PIEZO2: variants seen among roughly 807,000 people sequenced by gnomAD.
PIEZO2 encodes the protein piezo-type mechanosensitive ion channel component 2.
Under a neutral mutation model 337.3 loss-of-function variants are expected in PIEZO2, and 172 were observed. That is an observed-to-expected ratio of 0.51 (90% CI 0.45 to 0.58). The LOEUF (loss-of-function observed/expected upper bound fraction) is 0.58, where lower values mean the gene tolerates loss of function less well. Ranked by LOEUF, PIEZO2 falls within the 20% of genes least tolerant of loss-of-function variation. The probability of loss-of-function intolerance (pLI) is 0.00; values close to 1 mark genes in which losing one functional copy is unlikely to be tolerated. For synonymous variants in PIEZO2, 1,251 were observed against 1,228.5 expected, an observed-to-expected ratio of 1.02 and a Z score of -0.38; for missense variants, 3,028 against 3,391.3, an observed-to-expected ratio of 0.89 and a Z score of 2.66.
Position 10,783,534 on chromosome 18 carries a change from T to C in PIEZO2, c.2492+1250A>G, listed in dbSNP as rs2039106198. Among the ~76,000 whole-genome samples, 4 of 152,236 alleles carry C rather than the reference T, an allele frequency of 2.6e-5. No individual in the cohort carries two copies. Among genetic ancestry groups the C allele is most frequent in the Admixed American group, 1.3e-4 (2 of 15,282 alleles). On this transcript the variant is annotated intron_variant, in intron 17 of 55. Coordinates refer to ENST00000674853, the MANE Select transcript of PIEZO2 (RefSeq NM_001378183.1). The surrounding 1 kb of genome is among the most constrained non-coding windows in gnomAD (Gnocchi z 4.3). ...CTAATAACTACTTTATTTTTCCTAA[T>C]GCTTGATCATCACTGAAGGTAGCAG...
chr18:11,067,982 C>T (rs961538661), intron 1 of PIEZO2, among the ~76,000 whole-genome samples: 13 of 152,318 alleles, frequency 8.5e-5, no homozygotes, highest in African/African-American at 3.1e-4. Context: ...AGTGCAGTGG[C>T]ACGATCTCAG....
chr18:10,883,259 T>G (rs1263081434), intron 4 of PIEZO2, among the ~76,000 whole-genome samples: 2 of 152,108 alleles, frequency 1.3e-5, no homozygotes, highest in Non-Finnish European at 2.9e-5. Flanking sequence ...ACACACAAAT[T>G]TCCTTTCTCT....
rs2143384248 is a variant in PIEZO2 at position 10,672,328 on chromosome 18, C to A, written c.8345+362G>T. On this transcript the variant is annotated intron_variant, in intron 55 of 55. Transcript: ENST00000674853. The surrounding 1 kb of genome is among the most constrained non-coding windows in gnomAD (Gnocchi z 4.7). ...AACATGATGCGATGTTTCAGAAGTT[C>A]AAAAGCAGGATGTCTAATAGATCCA... Among the ~76,000 whole-genome samples the A allele has an allele frequency of 6.6e-6, 1 of 152,140 alleles. No individual in the cohort carries two copies.
At chr18:10,900,178 T>TAC (rs56708718) in intron 4 of PIEZO2, among the ~76,000 whole-genome samples, 4,822 of 148,454 alleles carry the variant, frequency 0.032, 170 homozygotes, top group African/African-American at 0.09. Context: ...TTACTTTTGT[T>TAC]ACACACACAC....
chr18:10,931,266 C>A (rs2145191707), intron 3 of PIEZO2, among the ~76,000 whole-genome samples: 1 of 152,322 alleles, frequency 6.6e-6, no homozygotes, highest in African/African-American at 2.4e-5. Context: ...GTGGCGCCAT[C>A]TCTGCCCACT....
intron 20 of PIEZO2, 126 bp from the exon 21 acceptor site, chr18:10,770,434 A>T (rs1363295820): frequency 7.6e-6 from 7 of 920,948 alleles, no homozygotes; most frequent in Non-Finnish European, 1.1e-5. Context: ...AATTCTAAGA[A>T]AACCAAAATC....
intron 16 of PIEZO2, among the ~76,000 whole-genome samples, chr18:10,785,636 G>T (rs1004803045): frequency 6.6e-6 from 1 of 152,028 alleles, no homozygotes; most frequent in Non-Finnish European, 1.5e-5. Flanking sequence ...GAAGTCAGAC[G>T]CCTCCTGTGT....
chr18:10,725,472 G>A, intron 36 of PIEZO2: 1 of 1,540,410 alleles, frequency 6.5e-7, no homozygotes, highest in Non-Finnish European at 8.9e-7. Context: ...TCAGGGTGTG[G>A]GTATCCGGGT....
In PIEZO2 at chr18:11,069,549, AAC is replaced by A. The variant is rs1365703643; in HGVS notation, c.65-3329_65-3328del. On this transcript the variant is annotated intron_variant, in intron 1 of 55. Coordinates refer to ENST00000674853, the MANE Select transcript of PIEZO2 (RefSeq NM_001378183.1). This position sits in a 1 kb window ranked among gnomAD's most constrained non-coding sequence, Gnocchi z 4.9. ...CTTCAACACAATAAAGGCCATATGT[AAC>A]ACACACACAGCTAATATCACACTCA... 2.0e-5 allele frequency among the ~76,000 whole-genome samples: 3 copies of A among 152,206 alleles called. No individual in the cohort carries two copies. In the East Asian group the frequency reaches 5.8e-4, roughly 29 times the overall value.
chr18:10,715,056 G>A, intron 38 of PIEZO2, 126 bp from the exon 39 acceptor site: 1 of 909,678 alleles, frequency 1.1e-6, no homozygotes, highest in Non-Finnish European at 1.6e-6. Flanking sequence ...GACCATGCTA[G>A]GCAAGTGGGG....
At chr18:11,145,206 C>T (rs1055292297) in intron 1 of PIEZO2, among the ~76,000 whole-genome samples, 2 of 152,164 alleles carry the variant, frequency 1.3e-5, no homozygotes, top group African/African-American at 4.8e-5. Context: ...TGACTATATG[C>T]ATATCCATCA....
At chr18:10,782,321 T>TATATATAATTA (rs1568050873) in intron 17 of PIEZO2, among the ~76,000 whole-genome samples, 1 of 94,716 alleles carries the variant, frequency 1.1e-5, no homozygotes, top group Non-Finnish European at 1.8e-5. Context: ...ATATAATATA[T>TATATATAATTA]TATAATTATA....
rs1324663366 is a variant in PIEZO2, at chr18:11,119,508, C to A, written c.64+29017G>T. Among the ~76,000 whole-genome samples the A allele has an allele frequency of 2.0e-5, 3 of 152,156 alleles. No homozygotes were observed. The East Asian group carries it at 5.8e-4, about 29-fold the overall frequency. ...TAAAACATCATCAATTGATAACTGC[C>A]CTTGCCTAATTATACTTTAAAAGAA... On this transcript the variant is annotated intron_variant, in intron 1 of 55. Coordinates refer to ENST00000674853, the MANE Select transcript of PIEZO2 (RefSeq NM_001378183.1).
intron 2 of PIEZO2, among the ~76,000 whole-genome samples, chr18:11,013,082 T>C (rs2035961237): frequency 6.6e-6 from 1 of 152,178 alleles, no homozygotes; most frequent in Non-Finnish European, 1.5e-5. Flanking sequence ...TCACATCAAA[T>C]ATTTTATGTC....
At chr18:10,879,653 C>T (rs532786300) in intron 4 of PIEZO2, among the ~76,000 whole-genome samples, 1 of 152,210 alleles carries the variant, frequency 6.6e-6, no homozygotes, top group African/African-American at 2.4e-5. Flanking sequence ...CCTCGGCCTC[C>T]CAAAGTGCTG....
chr18:10,838,549 C>G (rs74887345), intron 7 of PIEZO2, among the ~76,000 whole-genome samples: 6,972 of 152,310 alleles, frequency 0.046, 233 homozygotes, highest in South Asian at 0.076. Flanking sequence ...AAAAAGCAAT[C>G]TGTTCATAGG....
chr18:11,084,903 T>C (rs1310409248), intron 1 of PIEZO2, among the ~76,000 whole-genome samples: 1 of 152,214 alleles, frequency 6.6e-6, no homozygotes, highest in East Asian at 1.9e-4. Flanking sequence ...AAACCGATTC[T>C]GTCACATATC....
In PIEZO2 at chr18:10,847,285, G is replaced by A. The variant is rs2041395860; in HGVS notation, c.917+8068C>T. ...ATCCTAGCTATGGACCCTTTAGAAT[G>A]AGTCACTGAGTCTGGCTAACTGTGG... On this transcript the variant is annotated intron_variant, in intron 7 of 55. Coordinates refer to ENST00000674853, the MANE Select transcript of PIEZO2 (RefSeq NM_001378183.1). The surrounding 1 kb of genome is among the most constrained non-coding windows in gnomAD (Gnocchi z 5.7). 6.6e-6 allele frequency among the ~76,000 whole-genome samples: 1 copy of A among 152,228 alleles called. No homozygotes were observed. Among genetic ancestry groups the A allele is most frequent in the Non-Finnish European group, 1.5e-5 (1 of 68,044 alleles).
rs77371219 is a variant in PIEZO2 at position 10,708,490 on chromosome 18, C to T, written c.5424-51G>A. 1,276 of 152,720 alleles carry T rather than the reference C, an allele frequency of 8.4e-3. 7 individuals are homozygous for T. Among genetic ancestry groups the T allele is most frequent in the Admixed American group, 0.013 (202 of 15,308 alleles). 9.5% of individuals were successfully genotyped at this position (152,720 alleles called of 1,614,324 possible). A position where few individuals can be genotyped will look rare whatever the true frequency, so the allele number is the denominator to read the frequency against. On this transcript the variant is annotated intron_variant, in intron 39 of 55. Transcript: ENST00000674853. ...CACAGTGTTAAAACACCAAGTTGTA[C>T]ACAGGTTACACACGGATCAACTGAC...
Sources: gnomAD v4.1 joint callset for allele counts (sites outside exome capture counted in the v4.1 genomes callset) on GRCh38, gnomAD v4.1.1 for gene constraint, Gnocchi (gnomAD v3.1) non-coding constraint, MANE v1.5 for transcripts, NCBI Gene and HGNC (gene_info 2026-07-23, HGNC 2026-07-21) for gene names.